The following PODXL variants were observed in gnomAD, a reference collection of about 807,000 sequenced individuals.
PODXL encodes the protein podocalyxin like, also known as podocalyxin.
Under a neutral mutation model 48.9 loss-of-function variants are expected in PODXL, and 20 were observed. That is an observed-to-expected ratio of 0.41 (90% CI 0.29 to 0.59). The LOEUF (loss-of-function observed/expected upper bound fraction) is 0.59, where lower values mean the gene tolerates loss of function less well. Among genes scored for constraint, PODXL ranks in the 20% least tolerant of loss-of-function variants. The pLI, the probability that PODXL is intolerant of heterozygous loss-of-function variation, is 0.31. For synonymous variants in PODXL, 295 were observed against 287.4 expected, an observed-to-expected ratio of 1.03 and a Z score of -0.27; for missense variants, 606 against 675.1, an observed-to-expected ratio of 0.90 and a Z score of 1.13.
At chr7:131,552,631 T>G (rs536252296) in intron 1 of PODXL, among the ~76,000 whole-genome samples, 1 of 152,120 alleles carries the variant, frequency 6.6e-6, no homozygotes, top group African/African-American at 2.4e-5. Context: ...ACGACCACAC[T>G]CCAAAGCTCT....
chr7:131,545,603 G>A (rs74399340), intron 1 of PODXL, among the ~76,000 whole-genome samples: 1 of 152,190 alleles, frequency 6.6e-6, no homozygotes, highest in Non-Finnish European at 1.5e-5. Flanking sequence ...TGTTCCTCTC[G>A]ATGTTCTACT....
At chr7:131,521,217 A>G (rs1030306482) in intron 1 of PODXL, among the ~76,000 whole-genome samples, 7 of 152,054 alleles carry the variant, frequency 4.6e-5, no homozygotes, top group African/African-American at 1.7e-4. Flanking sequence ...CCCTGAGGTC[A>G]TGAAGAAAAC....
At chr7:131,517,565 ATATATTCTCTCG>A (rs537990248) in intron 1 of PODXL, among the ~76,000 whole-genome samples, 26 of 152,252 alleles carry the variant, frequency 1.7e-4, no homozygotes, top group Admixed American at 1.3e-3. Context: ...AACAACATAA[ATATATTCTCTCG>A]TGGTTCTGGA....
chr7:131,543,088 T>C (rs897931652), intron 1 of PODXL, among the ~76,000 whole-genome samples: 1 of 152,192 alleles, frequency 6.6e-6, no homozygotes, highest in Non-Finnish European at 1.5e-5. Context: ...CAAATGTATG[T>C]TTTGAAGCCA....
chr7:131,546,681 G>C (rs1305169772), intron 1 of PODXL, among the ~76,000 whole-genome samples: 2 of 143,566 alleles, frequency 1.4e-5, no homozygotes, highest in Non-Finnish European at 3.0e-5. Context: ...AGTCGAGATC[G>C]TGCCACTGCA....
chr7:131,521,039 G>A (rs1038470969), intron 1 of PODXL, among the ~76,000 whole-genome samples: 2 of 151,898 alleles, frequency 1.3e-5, no homozygotes, highest in Non-Finnish European at 2.9e-5. Context: ...GTGGTGGCAG[G>A]TGCCTGTAAT....
At chr7:131,542,787 C>A (rs1197648853) in intron 1 of PODXL, among the ~76,000 whole-genome samples, 1 of 152,166 alleles carries the variant, frequency 6.6e-6, no homozygotes, top group Non-Finnish European at 1.5e-5. Flanking sequence ...ATGTACAGCG[C>A]CAGTTAGAGC....
chr7:131,522,322 C>A (rs1195655663), intron 1 of PODXL, among the ~76,000 whole-genome samples: 1 of 152,126 alleles, frequency 6.6e-6, no homozygotes, highest in Non-Finnish European at 1.5e-5. Context: ...CTTGGTGGCA[C>A]ATACTGAGTA....
intron 1 of PODXL, 149 bp downstream of exon 1, chr7:131,556,111 G>GC (rs1416367796): frequency 1.8e-6 from 2 of 1,123,886 alleles, no homozygotes; most frequent in Admixed American, 8.5e-5. Context: ...CGTGGATGGT[G>GC]CAAGGTCAGG....
At chr7:131,547,374 CAAAAA>C (rs10683140) in intron 1 of PODXL, among the ~76,000 whole-genome samples, 9 of 68,966 alleles carry the variant, frequency 1.3e-4, no homozygotes, top group Non-Finnish European at 1.7e-4. Flanking sequence ...AACTCCGTCT[CAAAAA>C]AAAAAAAAAA....
chr7:131,508,827 C>T (rs934497073), intron 5 of PODXL, 124 bp downstream of exon 5: 14 of 770,478 alleles, frequency 1.8e-5, no homozygotes, highest in African/African-American at 1.0e-4. Context: ...AAATGAGGGC[C>T]GGAAAGCAAA....
At chr7:131,542,772 AAAGC>A (rs1798504253) in intron 1 of PODXL, among the ~76,000 whole-genome samples, 1 of 152,158 alleles carries the variant, frequency 6.6e-6, no homozygotes, top group Admixed American at 6.5e-5. Context: ...TCTCGTCTGG[AAAGC>A]ATGTACAGCG....
chr7:131,506,369 A>C (rs751744761), intron 6 of PODXL, 48 bp from the exon 7 acceptor site: 5 of 1,596,114 alleles, frequency 3.1e-6, no homozygotes, highest in Non-Finnish European at 4.3e-6. Flanking sequence ...AGAGCGAGGC[A>C]GTGGGGGACG....
At chr7:131,523,678 CAAAAAAAA>C (rs753654977) in intron 1 of PODXL, among the ~76,000 whole-genome samples, 3 of 61,940 alleles carry the variant, frequency 4.8e-5, no homozygotes, top group South Asian at 1.7e-3. Context: ...GAATCCGTCT[CAAAAAAAA>C]AAAAAAAAAA....
intron 6 of PODXL, 89 bp from the exon 7 acceptor site, chr7:131,506,410 T>G (rs1345972370): frequency 6.8e-7 from 1 of 1,472,020 alleles, no homozygotes; most frequent in Non-Finnish European, 9.5e-7. Context: ...GGACGCACCG[T>G]ATCTCAGTCT....
At chr7:131,545,717 A>C (rs1444502241) in intron 1 of PODXL, among the ~76,000 whole-genome samples, 1 of 152,232 alleles carries the variant, frequency 6.6e-6, no homozygotes, top group East Asian at 1.9e-4. Context: ...GTAATAAGTA[A>C]TCTTCCTTAG....
intron 1 of PODXL, among the ~76,000 whole-genome samples, chr7:131,550,021 A>G (rs1331244510): frequency 6.6e-6 from 1 of 152,206 alleles, no homozygotes; most frequent in African/African-American, 2.4e-5. Flanking sequence ...ACAATGCAAG[A>G]GCTTGGGATG....
chr7:131,526,848 G>T (rs184718979), intron 1 of PODXL, among the ~76,000 whole-genome samples: 12 of 139,186 alleles, frequency 8.6e-5, no homozygotes, highest in Admixed American at 6.8e-4. Flanking sequence ...CAATTCTCCT[G>T]CCTCAGCCTG....
At chr7:131,539,978 T>C (rs1798448554) in intron 1 of PODXL, among the ~76,000 whole-genome samples, 1 of 152,222 alleles carries the variant, frequency 6.6e-6, no homozygotes, top group African/African-American at 2.4e-5. Flanking sequence ...CTGCGCCACG[T>C]TCTTCCTGCA....
Sources: gnomAD v4.1 joint callset for allele counts (sites outside exome capture counted in the v4.1 genomes callset) on GRCh38, gnomAD v4.1.1 for gene constraint, MANE v1.5 for transcripts, NCBI Gene and HGNC (gene_info 2026-07-23, HGNC 2026-07-21) for gene names.